FXYD1: variants seen among roughly 807,000 people sequenced by gnomAD.
FXYD1 encodes phospholemman.
A neutral mutation model predicts 17.2 loss-of-function variants in FXYD1; 9 were observed. That is an observed-to-expected ratio of 0.52 (90% CI 0.32 to 0.91). The LOEUF is 0.91. Ranked by LOEUF, FXYD1 falls within the 40% of genes least tolerant of loss-of-function variation. The pLI is 0.04. For missense variants in FXYD1, 113 were observed against 120.6 expected, an observed-to-expected ratio of 0.94 and a Z score of 0.29; for synonymous variants, 55 against 45.8, an observed-to-expected ratio of 1.20 and a Z score of -0.81.
intron 5 of FXYD1, among the ~76,000 whole-genome samples, chr19:35,141,995 T>G (rs988361148): frequency 6.6e-6 from 1 of 152,246 alleles, no homozygotes; most frequent in African/African-American, 2.4e-5. Flanking sequence ...ATAGATATTA[T>G]CATAAGTAGT....
chr19:35,141,142 C>T lies in FXYD1; in HGVS notation c.105C>T (p.Ser35=). The part of the protein sequence containing the change: ...EHDPFTYDYQ[S]LQIGGLVIAG... ...CTCTGCTGCTCACAGACTACCAGTCCCTGCAGATCGGAGGCCTCGTCATCG... is the reference window on the plus strand; with the variant it reads ...CTCTGCTGCTCACAGACTACCAGTCTCTGCAGATCGGAGGCCTCGTCATCG... Residue 35 remains serine (S), a synonymous_variant, in exon 4 of 8, where the codon TCC becomes TCT. Coordinates refer to ENST00000351325, the MANE Select transcript of FXYD1 (RefSeq NM_021902.4). 6.2e-7 allele frequency: 1 copy of T among 1,607,048 alleles called. No individual in the cohort carries two copies. Among genetic ancestry groups the T allele is most frequent in the Non-Finnish European group, 8.5e-7 (1 of 1,174,044 alleles).
At position 35,140,799 on chromosome 19, in the gene FXYD1, GTCTA is replaced by G. The variant is rs989416612; in HGVS notation, c.94+174_94+177del. ...CCTGTCTGCATCTTTTCCTGTCTGT[GTCTA>G]TCTGTGTCACTGTCTATGTGATACC... On this transcript the variant is annotated intron_variant, in intron 3 of 7. Transcript: ENST00000351325. 16 of 620,316 alleles carry G rather than the reference GTCTA, an allele frequency of 2.6e-5. No individual in the cohort carries two copies. The African/African-American group carries it at 2.6e-4, about 10-fold the overall frequency. 38.4% of individuals were successfully genotyped at this position (620,316 alleles called of 1,614,324 possible).
Position 35,142,511 on chromosome 19 carries a change from C to G in FXYD1, c.246C>G (p.Ser82Arg). Residue 82 changes from serine to arginine, a missense_variant, in exon 6 of 8, where the codon AGC (serine) becomes AGG (arginine). Coordinates refer to ENST00000351325, the MANE Select transcript of FXYD1 (RefSeq NM_021902.4). ...EPDEEEGTFR[S>R]SIRRLSTRRR ...ATGAAGAGGAGGGAACTTTCCGCAG[C>G]TCCATCCGCCGTGAGTCTGGGGAGA... 1 of 1,613,240 alleles carries G rather than the reference C, an allele frequency of 6.2e-7. No homozygotes were observed. Among genetic ancestry groups the G allele is most frequent in the South Asian group, 1.1e-5 (1 of 91,044 alleles).
intron 2 of FXYD1, 125 bp from the exon 3 acceptor site, chr19:35,140,471 TG>T (rs2065241319): frequency 3.6e-6 from 3 of 840,928 alleles, no homozygotes; most frequent in African/African-American, 1.7e-5. Flanking sequence ...CCAGAGAGTG[TG>T]GGCAGCCTGC....
chr19:35,141,196 C>A lies in FXYD1; in HGVS notation c.159C>A (p.Leu53=). ...IAGILFILGI[L]IVLSRRCRCK... is the part of the protein sequence containing the mutation. ...GGATCCTCTTCATCCTGGGCATCCT[C>A]ATCGTGCTGAGTGAGTGCCCCTAGC... Residue 53 remains leucine (L), a synonymous_variant, in exon 4 of 8, where the codon CTC becomes CTA. Transcript: ENST00000351325. The A allele has an allele frequency of 6.2e-7, 1 of 1,603,788 alleles. No individual in the cohort carries two copies. Among genetic ancestry groups the A allele is most frequent in the Non-Finnish European group, 8.5e-7 (1 of 1,171,568 alleles).
chr19:35,140,074 A>G lies in FXYD1; in HGVS notation c.-4-2A>G, dbSNP rs111908247. The G allele has an allele frequency of 6.2e-7, 1 of 1,612,706 alleles. No individual in the cohort carries two copies. Among genetic ancestry groups the G allele is most frequent in the Non-Finnish European group, 8.5e-7 (1 of 1,178,716 alleles). On this transcript the variant is annotated splice_acceptor_variant, in intron 1 of 7. Coordinates refer to ENST00000351325, the MANE Select transcript of FXYD1 (RefSeq NM_021902.4). LOFTEE classifies it low-confidence loss of function (5UTR_SPLICE). ...CTGCCTAATCCGTGGTGTCCCCCCC[A>G]GGACAATGGCGTCTCTTGGCCACAT...
At chr19:35,139,708 G>A (rs767962501) in intron 1 of FXYD1, 4 of 212,692 alleles carry the variant, frequency 1.9e-5, no homozygotes, top group Admixed American at 5.3e-5. Context: ...GGACTTGGGC[G>A]TGCCCTGCTG....
upstream of FXYD1, among the ~76,000 whole-genome samples, chr19:35,137,240 G>A (rs1268560468): frequency 6.6e-6 from 1 of 152,210 alleles, no homozygotes; most frequent in Non-Finnish European, 1.5e-5. Flanking sequence ...GGCCATTCCA[G>A]GTTTCCCTGT....
rs2065257871 is a variant in FXYD1, at chr19:35,141,657, G to A, written c.206+85G>A. ...AGGCGGGGAGTACCCCTGACCCGCA[G>A]CCCGATCCCCGTCAGCGACTATGTA... On this transcript the variant is annotated intron_variant, in intron 5 of 7. Transcript: ENST00000351325. 12 of 1,080,216 alleles carry A rather than the reference G, an allele frequency of 1.1e-5. No individual in the cohort carries two copies. In the South Asian group the frequency reaches 1.6e-4, roughly 14 times the overall value. The allele number at this position is 1,080,216 out of a possible 1,614,324, so 66.9% of individuals were successfully genotyped here.
intron 5 of FXYD1, among the ~76,000 whole-genome samples, chr19:35,142,087 T>C (rs2065261729): frequency 6.6e-6 from 1 of 152,214 alleles, no homozygotes; most frequent in African/African-American, 2.4e-5. Context: ...TTAACCCCAT[T>C]TGACAGATGA....
At chr19:35,140,759 T>C in intron 3 of FXYD1, 130 bp downstream of exon 3, 6 of 724,900 alleles carry the variant, frequency 8.3e-6, no homozygotes, top group Non-Finnish European at 1.4e-5. Context: ...ATTTTGTCCT[T>C]CCTCTCTGAT....
chr19:35,137,985 T>C (rs1277884385), upstream of FXYD1: 1 of 152,276 alleles, frequency 6.6e-6, no homozygotes, highest in African/African-American at 2.4e-5. Flanking sequence ...CATACTTGTG[T>C]GTTTCTGTAT....
Position 35,141,522 on chromosome 19 carries a change from C to A in FXYD1, c.170-14C>A, listed in dbSNP as rs1350155859. ...GAGGGAGCCTCAGCTTCTCCTACCT[C>A]TCCACGCCCACAGGCAGAAGATGCC... On this transcript the variant is annotated splice_polypyrimidine_tract_variant and intron_variant, in intron 4 of 7. Transcript: ENST00000351325. 6.2e-7 allele frequency: 1 copy of A among 1,607,956 alleles called. No homozygotes were observed. The highest frequency in any genetic ancestry group is 1.1e-5 in the South Asian group (1 of 90,346).
At position 35,140,167 on chromosome 19, in the gene FXYD1, C is replaced by A. The variant is rs2065238329; in HGVS notation, c.61+27C>A. 4.8e-6 allele frequency: 6 copies of A among 1,256,156 alleles called. No individual in the cohort carries two copies. In the African/African-American group the frequency reaches 7.3e-5, roughly 15 times the overall value. The allele number at this position is 1,256,156 out of a possible 1,614,324, so 77.8% of individuals were successfully genotyped here. On this transcript the variant is annotated intron_variant, in intron 2 of 7. Coordinates refer to ENST00000351325, the MANE Select transcript of FXYD1 (RefSeq NM_021902.4). Reference sequence around the variant, plus strand: ...TGAGTGCAGGGGAGGCTGCCCGCTACCCACCTCAGCCCCAGGGGTGGCGGT... The same window carrying A: ...TGAGTGCAGGGGAGGCTGCCCGCTAACCACCTCAGCCCCAGGGGTGGCGGT...
At chr19:35,142,252 A>C in intron 5 of FXYD1, 10 of 444,302 alleles carry the variant, frequency 2.3e-5, no homozygotes, top group East Asian at 4.0e-5. Flanking sequence ...CTGCCCCCAA[A>C]TCCGCGGAGG....
In FXYD1 at chr19:35,141,478, G is replaced by A. The variant is rs920425283; in HGVS notation, c.170-58G>A. ...CGCGAGGGCGAGCTGGAGCTACAGC[G>A]CCGCTTGGCGCCCGCCGGGAGGGAG... On this transcript the variant is annotated intron_variant, in intron 4 of 7. Transcript: ENST00000351325. 4.1e-6 allele frequency: 6 copies of A among 1,463,580 alleles called. No individual in the cohort carries two copies. In the African/African-American group the frequency reaches 5.6e-5, roughly 14 times the overall value. 90.7% of individuals were successfully genotyped at this position (1,463,580 alleles called of 1,614,324 possible).
At chr19:35,139,261 C>G (rs1449390940) in intron 1 of FXYD1, 7 of 146,328 alleles carry the variant, frequency 4.8e-5, no homozygotes, top group Non-Finnish European at 1.1e-4. Flanking sequence ...TCCGGCCCCA[C>G]TGTGTGTGTG....
At chr19:35,141,664 C>G in intron 5 of FXYD1, 92 bp downstream of exon 5, 1 of 1,016,044 alleles carries the variant, frequency 9.8e-7, no homozygotes, top group Middle Eastern at 2.1e-4. Context: ...GCAGCCCGAT[C>G]CCCGTCAGCG....
chr19:35,140,245 T>C, intron 2 of FXYD1, 105 bp downstream of exon 2: 1 of 750,820 alleles, frequency 1.3e-6, no homozygotes, highest in Non-Finnish European at 2.4e-6. Context: ...TCGGCTGGGG[T>C]ACCAAGAAGT....
Sources: allele counts gnomAD v4.1 joint callset (sites outside exome capture counted in the v4.1 genomes callset), GRCh38; gene constraint gnomAD v4.1.1; transcripts MANE v1.5; gene names NCBI Gene and HGNC (gene_info 2026-07-23, HGNC 2026-07-21).